SPATA12: variants seen among roughly 807,000 people sequenced by gnomAD.
SPATA12 encodes spermatogenesis associated 12.
For missense variants in SPATA12, 219 were observed against 226.4 expected, an observed-to-expected ratio of 0.97 and a Z score of 0.21; for synonymous variants, 85 against 89.2, an observed-to-expected ratio of 0.95 and a Z score of 0.26.
In SPATA12 at chr3:57,074,600, G is replaced by C. The variant is rs1236313927; in HGVS notation, c.*333G>C. On this transcript the variant is annotated 3_prime_UTR_variant, in exon 2 of 2. Transcript: ENST00000334325. ...CAATCAATGAAAGAGTGGGAGGCAT[G>C]CATCTCCTGATCCCCGATCCTATAC... is the stretch of plus-strand genomic sequence containing the variant. The C allele has an allele frequency of 7.3e-6, 2 of 272,690 alleles. No homozygotes were observed. The highest frequency in any genetic ancestry group is 1.5e-5 in the Non-Finnish European group (2 of 135,046). 16.9% of individuals were successfully genotyped at this position (272,690 alleles called of 1,614,324 possible).
At position 57,073,834 on chromosome 3, in the gene SPATA12, C is replaced by A. The variant is rs201557940; in HGVS notation, c.140C>A (p.Pro47His). ...TCATCCACCCAACATCCCAACAAACCCCACTGTGCACTGGCATCATGCCAG... is the reference window on the plus strand; with the variant it reads ...TCATCCACCCAACATCCCAACAAACACCACTGTGCACTGGCATCATGCCAG... ...LGSSTQHPNK[P>H]HCALASCQGP... Residue 47 changes from proline (P) to histidine (H), a missense_variant, in exon 2 of 2, where the codon CCC (proline) becomes CAC (histidine). Pro to His is a moderately conservative substitution (Grantham distance 77). Coordinates refer to ENST00000334325, the MANE Select transcript of SPATA12 (RefSeq NM_181727.2). 12 of 1,614,106 alleles carry A rather than the reference C, an allele frequency of 7.4e-6. No individual in the cohort carries two copies. Among genetic ancestry groups the A allele is most frequent in the African/African-American group, 1.3e-5 (1 of 74,936 alleles).
chr3:57,064,629 CAT>C (rs780173580), intron 1 of SPATA12, among the ~76,000 whole-genome samples: 2 of 152,186 alleles, frequency 1.3e-5, no homozygotes, highest in Admixed American at 6.5e-5. Flanking sequence ...AATTCTGACA[CAT>C]GTTACAACAT....
chr3:57,063,465 G>A (rs1705346842), intron 1 of SPATA12, among the ~76,000 whole-genome samples: 1 of 152,176 alleles, frequency 6.6e-6, no homozygotes, highest in Non-Finnish European at 1.5e-5. Flanking sequence ...AGGGGAGAAT[G>A]ACCTGGAGGG....
chr3:57,062,129 T>C (rs564551556), intron 1 of SPATA12, among the ~76,000 whole-genome samples: 54 of 150,840 alleles, frequency 3.6e-4, no homozygotes, highest in African/African-American at 1.2e-3. Context: ...TCCATCTAGA[T>C]GGGTGAGAAG....
At position 57,075,066 on chromosome 3, in the gene SPATA12, A is replaced by G. The variant is rs1706146707; in HGVS notation, c.*799A>G. 1 of 167,086 alleles carries G rather than the reference A, an allele frequency of 6.0e-6. No homozygotes were observed. Among genetic ancestry groups the G allele is most frequent in the Non-Finnish European group, 1.5e-5 (1 of 68,152 alleles). 10.4% of individuals were successfully genotyped at this position (167,086 alleles called of 1,614,324 possible). ...CCACACTGGGGAGTTTGACCACAAC[A>G]TTGGGCTCCATATGCATGGAATGAG... On this transcript the variant is annotated 3_prime_UTR_variant, in exon 2 of 2. Transcript: ENST00000334325.
intron 1 of SPATA12, among the ~76,000 whole-genome samples, chr3:57,061,425 A>G (rs536089174): frequency 6.6e-6 from 1 of 152,220 alleles, no homozygotes; most frequent in African/African-American, 2.4e-5. Flanking sequence ...GGCCTCCCAA[A>G]GTGCCAGCAT....
In SPATA12 at chr3:57,074,067, T is replaced by C. The variant is rs1706085932; in HGVS notation, c.373T>C (p.Ser125Pro). Reference protein sequence around the residue: ...QGSCEQVIHNSTPQFLGMEDG... With the variant: ...QGSCEQVIHNPTPQFLGMEDG... ...CAGTTGTGAGCAAGTTATTCATAAC[T>C]CTACACCTCAATTTCTTGGTATGGA... The change falls in exon 2 of 2, where the codon TCT (serine) becomes CCT (proline). Residue 125 changes from serine (S) to proline (P), a missense_variant. By Grantham distance (74) the Ser-to-Pro change is moderately conservative. Coordinates refer to ENST00000334325, the MANE Select transcript of SPATA12 (RefSeq NM_181727.2). 1 of 1,614,070 alleles carries C rather than the reference T, an allele frequency of 6.2e-7. No individual in the cohort carries two copies. The highest frequency in any genetic ancestry group is 1.7e-5 in the Admixed American group (1 of 60,004).
chr3:57,067,327 C>T (rs921307228), intron 1 of SPATA12, among the ~76,000 whole-genome samples: 40 of 151,586 alleles, frequency 2.6e-4, no homozygotes, highest in African/African-American at 9.4e-4. Flanking sequence ...TGGTGGCGGG[C>T]GCCTGTACTC....
At chr3:57,070,037 A>T (rs1293980772) in intron 1 of SPATA12, among the ~76,000 whole-genome samples, 1 of 152,184 alleles carries the variant, frequency 6.6e-6, no homozygotes, top group Non-Finnish European at 1.5e-5. Context: ...TGAGGGGCTA[A>T]GATTGTTTTA....
At chr3:57,068,350 A>G (rs1705685481) in intron 1 of SPATA12, among the ~76,000 whole-genome samples, 1 of 152,192 alleles carries the variant, frequency 6.6e-6, no homozygotes, top group South Asian at 2.1e-4. Context: ...CTTCATTAGC[A>G]TTTATTATCA....
At chr3:57,069,666 G>A (rs183310213) in intron 1 of SPATA12, among the ~76,000 whole-genome samples, 76 of 151,586 alleles carry the variant, frequency 5.0e-4, no homozygotes, top group Admixed American at 1.6e-3. Flanking sequence ...TTTCTTTTGA[G>A]ACAGGGTCTT....
intron 1 of SPATA12, among the ~76,000 whole-genome samples, chr3:57,063,695 A>G (rs760750516): frequency 1.3e-5 from 2 of 152,038 alleles, no homozygotes; most frequent in Non-Finnish European, 2.9e-5. Context: ...AAAGTGACCA[A>G]CTCCATCACA....
intron 1 of SPATA12, among the ~76,000 whole-genome samples, chr3:57,067,777 C>T (rs1178443181): frequency 2.0e-5 from 3 of 149,808 alleles, no homozygotes; most frequent in African/African-American, 7.4e-5. Context: ...GTCAGGAGAT[C>T]GAGACCATTG....
Position 57,062,887 on chromosome 3 carries a change from G to A in SPATA12, c.-330+2101G>A, listed in dbSNP as rs76558294. On this transcript the variant is annotated intron_variant, in intron 1 of 1. Transcript: ENST00000334325. Reference sequence around the variant, plus strand: ...TTGTCTGTACCAGGCAAGGCACTGGGGACATGACAGGGAACACAATAGAAG... The same window carrying A: ...TTGTCTGTACCAGGCAAGGCACTGGAGACATGACAGGGAACACAATAGAAG... Among the ~76,000 whole-genome samples, 1,427 of 152,274 alleles carry A rather than the reference G, an allele frequency of 9.4e-3. 36 individuals carry two copies. Among genetic ancestry groups the A allele is most frequent in the African/African-American group, 0.033 (1,354 of 41,550 alleles).
intron 1 of SPATA12, among the ~76,000 whole-genome samples, chr3:57,071,488 C>T (rs1214198806): frequency 7.9e-5 from 12 of 151,796 alleles, no homozygotes; most frequent in African/African-American, 4.8e-5. Flanking sequence ...GGTGAAACCC[C>T]GTCTCTACTA....
At chr3:57,068,636 A>G (rs1423352818) in intron 1 of SPATA12, among the ~76,000 whole-genome samples, 3 of 152,194 alleles carry the variant, frequency 2.0e-5, no homozygotes, top group Non-Finnish European at 4.4e-5. Flanking sequence ...TGCTGGAGAG[A>G]AACAGTCCTC....
At position 57,061,756 on chromosome 3, in the gene SPATA12, C is replaced by T. The variant is rs1161766359; in HGVS notation, c.-330+970C>T. Reference sequence around the variant, plus strand: ...AGCTAACTCTCAGTGAGCAGTCTCTCATCCTGTGTTACTCACCACTCTAAG... The same window carrying T: ...AGCTAACTCTCAGTGAGCAGTCTCTTATCCTGTGTTACTCACCACTCTAAG... On this transcript the variant is annotated intron_variant, in intron 1 of 1. Coordinates refer to ENST00000334325, the MANE Select transcript of SPATA12 (RefSeq NM_181727.2). Among the ~76,000 whole-genome samples, 3 of 152,204 alleles carry T rather than the reference C, an allele frequency of 2.0e-5. No homozygotes were observed. The East Asian group carries it at 5.8e-4, about 29-fold the overall frequency.
intron 1 of SPATA12, among the ~76,000 whole-genome samples, chr3:57,062,674 G>A (rs1172890483): frequency 6.6e-6 from 1 of 151,994 alleles, no homozygotes; most frequent in African/African-American, 2.4e-5. Flanking sequence ...GGAATGACAG[G>A]ACTCGCTGTT....
At chr3:57,067,118 A>AT (rs1214574807) in intron 1 of SPATA12, among the ~76,000 whole-genome samples, 2 of 152,192 alleles carry the variant, frequency 1.3e-5, no homozygotes, top group Admixed American at 1.3e-4. Flanking sequence ...GAATAAAAAT[A>AT]TATTTTTTAA....
Sources: gnomAD v4.1 joint callset for allele counts (sites outside exome capture counted in the v4.1 genomes callset) on GRCh38, gnomAD v4.1.1 for gene constraint, MANE v1.5 for transcripts, NCBI Gene and HGNC (gene_info 2026-07-23, HGNC 2026-07-21) for gene names.